Variants in RPAP2 observed in about 807,000 individuals in gnomAD.
RPAP2 encodes RNA polymerase II associated protein 2.
In RPAP2, 52 loss-of-function variants were observed where a neutral mutation model predicts 73.1. The ratio of observed to expected loss-of-function variants is 0.71; its 90% CI spans 0.57 to 0.90. The LOEUF (loss-of-function observed/expected upper bound fraction) is 0.90, where lower values mean the gene tolerates loss of function less well. RPAP2 is among the 40% of genes least tolerant of loss of function. RPAP2 has a pLI of 0.00. For missense variants in RPAP2, 598 were observed against 701.8 expected (o/e 0.85, Z 1.67); for synonymous variants, 225 against 242.1 (o/e 0.93, Z 0.65).
At chr1:92,381,717 A>C (rs535744256) in intron 12 of RPAP2, among the ~76,000 whole-genome samples, 2 of 151,210 alleles carry the variant, frequency 1.3e-5, no homozygotes, top group East Asian at 1.9e-4. Flanking sequence ...CTCTAATCCT[A>C]TCTCTTTCCC....
chr1:92,299,948 G>A (rs773976496), intron 1 of RPAP2, among the ~76,000 whole-genome samples: 7 of 152,140 alleles, frequency 4.6e-5, no homozygotes, highest in Admixed American at 2.6e-4. Context: ...ATCATCGAGT[G>A]CACTTACACA....
At chr1:92,364,783 G>A (rs977730309) in intron 11 of RPAP2, among the ~76,000 whole-genome samples, 1 of 152,038 alleles carries the variant, frequency 6.6e-6, no homozygotes, top group African/African-American at 2.4e-5. Flanking sequence ...TCCCAAGCAG[G>A]TCTCCTTGCC....
intron 11 of RPAP2, among the ~76,000 whole-genome samples, chr1:92,378,366 G>A (rs1014365489): frequency 6.6e-6 from 1 of 151,910 alleles, no homozygotes; most frequent in Non-Finnish European, 1.5e-5. Flanking sequence ...CACCACACCA[G>A]GCTAATTTAT....
chr1:92,351,507 G>C lies in RPAP2; in HGVS notation c.1688+5593G>C, dbSNP rs376993696. On this transcript the variant is annotated intron_variant, in intron 11 of 12. Coordinates refer to ENST00000610020, the MANE Select transcript of RPAP2 (RefSeq NM_024813.3). ...GAATAGCTTTTTTGAGATTTAACTG[G>C]TATTTTGAGAAGATTTTCTAGCCAT... Among the ~76,000 whole-genome samples, 4 of 152,056 alleles carry C rather than the reference G, an allele frequency of 2.6e-5. No homozygotes were observed. The South Asian group carries it at 6.2e-4, about 24-fold the overall frequency.
chr1:92,307,471 A>T (rs935055576), intron 6 of RPAP2, among the ~76,000 whole-genome samples, 195 bp downstream of exon 6: 1 of 152,212 alleles, frequency 6.6e-6, no homozygotes, highest in African/African-American at 2.4e-5. Flanking sequence ...ATACATACAA[A>T]TGTTATTTGT....
At chr1:92,362,909 C>G (rs1654789243) in intron 11 of RPAP2, among the ~76,000 whole-genome samples, 1 of 152,088 alleles carries the variant, frequency 6.6e-6, no homozygotes, top group African/African-American at 2.4e-5. Flanking sequence ...CTCTAAAATA[C>G]TAAGACTTAC....
intron 8 of RPAP2, among the ~76,000 whole-genome samples, chr1:92,327,029 C>T (rs572885890): frequency 2.9e-4 from 44 of 152,332 alleles, no homozygotes; most frequent in East Asian, 7.7e-4. Context: ...TGGTCTATCT[C>T]GGAGACTGTT....
intron 11 of RPAP2, among the ~76,000 whole-genome samples, chr1:92,353,406 A>T (rs1257291568): frequency 6.6e-6 from 1 of 152,206 alleles, no homozygotes; most frequent in African/African-American, 2.4e-5. Flanking sequence ...CAGTTTCCCA[A>T]AAACTTAAAT....
intron 6 of RPAP2, among the ~76,000 whole-genome samples, chr1:92,312,332 A>G (rs991437148): frequency 2.6e-5 from 4 of 151,960 alleles, no homozygotes; most frequent in African/African-American, 9.7e-5. Context: ...AGACTAGAAG[A>G]TCACTTGAGC....
At chr1:92,369,128 C>A (rs1159135110) in intron 11 of RPAP2, among the ~76,000 whole-genome samples, 1 of 152,144 alleles carries the variant, frequency 6.6e-6, no homozygotes, top group African/African-American at 2.4e-5. Flanking sequence ...CAACAGAAAT[C>A]TTTTGTTTTT....
intron 8 of RPAP2, among the ~76,000 whole-genome samples, chr1:92,326,946 C>T (rs1652668445): frequency 6.6e-6 from 1 of 152,230 alleles, no homozygotes; most frequent in Non-Finnish European, 1.5e-5. Context: ...CAGATTCACA[C>T]CCTCCCTTGA....
chr1:92,362,751 C>T (rs1309982694), intron 11 of RPAP2, among the ~76,000 whole-genome samples: 1 of 151,998 alleles, frequency 6.6e-6, no homozygotes, highest in Non-Finnish European at 1.5e-5. Flanking sequence ...AGTTTTGAGG[C>T]CCCACATTAT....
chr1:92,380,737 C>A lies in RPAP2; in HGVS notation c.1702C>A (p.Leu568Ile). The A allele has an allele frequency of 6.3e-7, 1 of 1,584,710 alleles. No individual in the cohort carries two copies. The highest frequency in any genetic ancestry group is 2.3e-5 in the East Asian group (1 of 43,846). ...MVLLSLLTPILGIQKHSQEGM... is the reference protein window; with the variant it reads ...MVLLSLLTPIIGIQKHSQEGM... ...TGGTTGTTTCAGACTGACCCCAATT[C>A]TTGGCATTCAGAAACATTCTCAGGA... The change falls in exon 12 of 13, where the codon CTT becomes ATT. Residue 568 changes from leucine (L) to isoleucine (I), a missense_variant. Leu to Ile is a conservative substitution (Grantham distance 5). Coordinates refer to ENST00000610020, the MANE Select transcript of RPAP2 (RefSeq NM_024813.3).
chr1:92,392,920 G>C lies in RPAP2; in HGVS notation c.*5909G>C, dbSNP rs1280391637. 2 of 152,178 alleles carry C rather than the reference G, an allele frequency of 1.3e-5. No individual in the cohort carries two copies. The highest frequency in any genetic ancestry group is 3.8e-4 in the East Asian group (2 of 5,198). The allele number at this position is 152,178 out of a possible 1,614,324, so 9.4% of individuals were successfully genotyped here. On this transcript the variant is annotated 3_prime_UTR_variant, in exon 13 of 13. Coordinates refer to ENST00000610020, the MANE Select transcript of RPAP2 (RefSeq NM_024813.3). ...GCCTTGTTGCCCAAACTGATTTATAGATTCAATGCTATCCCCATCAAGCTA... is the reference window on the plus strand; with the variant it reads ...GCCTTGTTGCCCAAACTGATTTATACATTCAATGCTATCCCCATCAAGCTA...
chr1:92,330,354 G>C (rs1350640317), intron 8 of RPAP2, among the ~76,000 whole-genome samples: 10 of 150,632 alleles, frequency 6.6e-5, no homozygotes, highest in Admixed American at 6.6e-4. Flanking sequence ...GGAAGAATGT[G>C]TCTAAAATTA....
In RPAP2 at chr1:92,313,051, A is replaced by G. The variant is rs181602082; in HGVS notation, c.488+5775A>G. Among the ~76,000 whole-genome samples the G allele has an allele frequency of 2.6e-3, 390 of 152,208 alleles. 1 individual carries two copies. Among genetic ancestry groups the G allele is most frequent in the Non-Finnish European group, 4.4e-3 (297 of 68,010 alleles). On this transcript the variant is annotated intron_variant, in intron 6 of 12. Coordinates refer to ENST00000610020, the MANE Select transcript of RPAP2 (RefSeq NM_024813.3). Reference sequence around the variant, plus strand: ...CGGCTTATTTTTGTATTTTTAGTAGAGATGGGGGTTTTGCCATGTTGGCCA... The same window carrying G: ...CGGCTTATTTTTGTATTTTTAGTAGGGATGGGGGTTTTGCCATGTTGGCCA...
At chr1:92,338,963 T>C (rs1327040081) in intron 10 of RPAP2, among the ~76,000 whole-genome samples, 10 of 152,140 alleles carry the variant, frequency 6.6e-5, no homozygotes, top group Admixed American at 3.3e-4. Flanking sequence ...ACAACACTTA[T>C]TTAATCACCA....
At chr1:92,355,252 C>T (rs1654406507) in intron 11 of RPAP2, among the ~76,000 whole-genome samples, 1 of 152,092 alleles carries the variant, frequency 6.6e-6, no homozygotes, top group South Asian at 2.1e-4. Context: ...TAAACTCAGT[C>T]TCATTCTGGA....
intron 12 of RPAP2, among the ~76,000 whole-genome samples, chr1:92,384,601 G>T (rs1181289973): frequency 6.6e-6 from 1 of 150,508 alleles, no homozygotes; most frequent in Non-Finnish European, 1.5e-5. Context: ...TCCAGCCTGG[G>T]TGACAGTGCA....
Sources: gnomAD v4.1 joint callset for allele counts (sites outside exome capture counted in the v4.1 genomes callset) on GRCh38, gnomAD v4.1.1 for gene constraint, MANE v1.5 for transcripts, NCBI Gene and HGNC (gene_info 2026-07-23, HGNC 2026-07-21) for gene names.